ZNF385D: variants seen among roughly 807,000 people sequenced by gnomAD.
ZNF385D encodes zinc finger protein 659.
Under a neutral mutation model 35.8 loss-of-function variants are expected in ZNF385D, and 15 were observed. That is an observed-to-expected ratio of 0.42 (90% CI 0.28 to 0.64). ZNF385D has a LOEUF of 0.64. Among genes scored for constraint, ZNF385D ranks in the 30% least tolerant of loss-of-function variants. The pLI, the probability that ZNF385D is intolerant of heterozygous loss-of-function variation, is 0.23. For synonymous variants in ZNF385D, 212 were observed against 186.8 expected, an observed-to-expected ratio of 1.13 and a Z score of -1.10; for missense variants, 474 against 494.6, an observed-to-expected ratio of 0.96 and a Z score of 0.39.
intron 2 of ZNF385D, among the ~76,000 whole-genome samples, chr3:22,367,834 A>T (rs1209312999): frequency 2.6e-5 from 4 of 152,206 alleles, no homozygotes; most frequent in Admixed American, 6.5e-5. Context: ...AAAAGTTAAC[A>T]GGGAACATCT....
At chr3:22,109,797 G>C (rs1410671887) in intron 3 of ZNF385D, among the ~76,000 whole-genome samples, 1 of 152,086 alleles carries the variant, frequency 6.6e-6, no homozygotes, top group Admixed American at 6.6e-5. Context: ...TTAAACTAAA[G>C]AGCTTCTGCA....
At chr3:21,554,643 T>G (rs978201854) in intron 3 of ZNF385D, among the ~76,000 whole-genome samples, 1 of 152,206 alleles carries the variant, frequency 6.6e-6, no homozygotes. Context: ...AATCTTCCAA[T>G]AGAATGCTCT....
chr3:22,193,061 G>A (rs553845357), intron 2 of ZNF385D, among the ~76,000 whole-genome samples: 1 of 152,240 alleles, frequency 6.6e-6, no homozygotes, highest in East Asian at 1.9e-4. Flanking sequence ...GATAAGACAA[G>A]AGTAACCGTT....
intron 3 of ZNF385D, among the ~76,000 whole-genome samples, chr3:21,810,786 A>T (rs73040945): frequency 0.097 from 14,768 of 151,990 alleles, 773 homozygotes; most frequent in African/African-American, 0.11. Flanking sequence ...ATCCCTACAC[A>T]ATATTTATAT....
At chr3:21,830,873 T>A (rs923779372) in intron 3 of ZNF385D, among the ~76,000 whole-genome samples, 10 of 152,212 alleles carry the variant, frequency 6.6e-5, no homozygotes, top group Non-Finnish European at 1.0e-4. Context: ...AAAACATTTA[T>A]GCCATTGATC....
At chr3:21,990,878 ATCT>A (rs1695110613) in intron 3 of ZNF385D, among the ~76,000 whole-genome samples, 1 of 152,196 alleles carries the variant, frequency 6.6e-6, no homozygotes, top group Admixed American at 6.5e-5. Flanking sequence ...AGGACAACAA[ATCT>A]TCTGGCAATA....
At chr3:21,602,792 C>A (rs2064353413) in intron 2 of ZNF385D, among the ~76,000 whole-genome samples, 1 of 151,908 alleles carries the variant, frequency 6.6e-6, no homozygotes, top group African/African-American at 2.4e-5. Flanking sequence ...CTCGGCCTCC[C>A]AAAGTGCTGG....
chr3:21,568,718 GTTTTTA>G (rs1281411397), intron 2 of ZNF385D, among the ~76,000 whole-genome samples: 1 of 151,934 alleles, frequency 6.6e-6, no homozygotes, highest in African/African-American at 2.4e-5. Context: ...TATAACCAAG[GTTTTTA>G]TTTTTGTTTT....
chr3:22,113,268 A>G (rs1702634755), intron 3 of ZNF385D, among the ~76,000 whole-genome samples: 1 of 151,998 alleles, frequency 6.6e-6, no homozygotes, highest in Non-Finnish European at 1.5e-5. Flanking sequence ...AATCTTTCTG[A>G]CTCTATGATT....
At chr3:21,879,442 C>G (rs1414212340) in intron 3 of ZNF385D, among the ~76,000 whole-genome samples, 1 of 151,946 alleles carries the variant, frequency 6.6e-6, no homozygotes, top group East Asian at 1.9e-4. Flanking sequence ...ACAGTTATGT[C>G]ATCAAAACAC....
chr3:22,076,261 C>T (rs1700457317), intron 3 of ZNF385D, among the ~76,000 whole-genome samples: 1 of 151,860 alleles, frequency 6.6e-6, no homozygotes, highest in African/African-American at 2.4e-5. Context: ...CTTTATCCTC[C>T]ATTATTGTGG....
chr3:22,102,851 T>A (rs1201140991), intron 3 of ZNF385D, among the ~76,000 whole-genome samples: 2 of 151,244 alleles, frequency 1.3e-5, no homozygotes, highest in East Asian at 3.9e-4. Context: ...CTTTTTTTAT[T>A]TTGATACATG....
chr3:21,803,920 T>C (rs114458480), intron 3 of ZNF385D, among the ~76,000 whole-genome samples: 47 of 152,334 alleles, frequency 3.1e-4, no homozygotes, highest in African/African-American at 9.6e-4. Flanking sequence ...GCGCTGTCAC[T>C]TGCAAATAAG....
chr3:21,515,442 G>T (rs1354571899), intron 3 of ZNF385D, among the ~76,000 whole-genome samples: 1 of 152,056 alleles, frequency 6.6e-6, no homozygotes, highest in Non-Finnish European at 1.5e-5. Flanking sequence ...AAAGAACAAG[G>T]TAGCCTTTTT....
At chr3:21,573,649 GAAAC>G (rs1255389928) in intron 2 of ZNF385D, among the ~76,000 whole-genome samples, 5 of 152,014 alleles carry the variant, frequency 3.3e-5, no homozygotes, top group African/African-American at 9.7e-5. Flanking sequence ...AGCAGGGAAA[GAAAC>G]AAAAACAAAA....
chr3:21,416,647 A>C lies in ZNF385D; in HGVS notation c.*4567T>G, dbSNP rs1575109632. On this transcript the variant is annotated 3_prime_UTR_variant, in exon 8 of 8. Coordinates refer to ENST00000281523, the MANE Select transcript of ZNF385D (RefSeq NM_024697.3). Reference sequence around the variant, plus strand: ...TCTCCCCATGTAGAAAGAAAAAAAAATCAGCAAAAGTCAGGTAAAACTTTC... The same window carrying C: ...TCTCCCCATGTAGAAAGAAAAAAAACTCAGCAAAAGTCAGGTAAAACTTTC... The C allele has an allele frequency of 6.6e-6, 1 of 152,122 alleles. No individual in the cohort carries two copies. The highest frequency in any genetic ancestry group is 1.9e-4 in the East Asian group (1 of 5,188). 9.4% of individuals were successfully genotyped at this position (152,122 alleles called of 1,614,324 possible).
At chr3:21,709,678 G>A (rs1190789083) in intron 1 of ZNF385D, among the ~76,000 whole-genome samples, 2 of 152,146 alleles carry the variant, frequency 1.3e-5, no homozygotes, top group African/African-American at 2.4e-5. Flanking sequence ...AAAAGTCATA[G>A]ATAAGAGGGA....
chr3:22,015,952 G>A (rs1178481850), intron 3 of ZNF385D, among the ~76,000 whole-genome samples: 3 of 152,076 alleles, frequency 2.0e-5, no homozygotes, highest in Non-Finnish European at 4.4e-5. Context: ...GGGAGCATAT[G>A]ATTTTTATCC....
chr3:22,333,435 T>C (rs1358684729), intron 2 of ZNF385D, among the ~76,000 whole-genome samples: 3 of 152,140 alleles, frequency 2.0e-5, no homozygotes, highest in African/African-American at 7.2e-5. Flanking sequence ...TATGGTCCCA[T>C]AAGGCTGTAA....
Sources: allele counts gnomAD v4.1 joint callset (sites outside exome capture counted in the v4.1 genomes callset), GRCh38; gene constraint gnomAD v4.1.1; transcripts MANE v1.5; gene names NCBI Gene and HGNC (gene_info 2026-07-23, HGNC 2026-07-21).